PCNX2: variants seen among roughly 807,000 people sequenced by gnomAD.
PCNX2 encodes the protein pecanex 2, also known as pecanex-like protein 2.
PCNX2 carries 168 observed loss-of-function variants against 223.8 expected under a neutral mutation model. That is an observed-to-expected ratio of 0.75 (90% CI 0.66 to 0.85). PCNX2 has a LOEUF of 0.85. Among genes scored for constraint, PCNX2 ranks in the 40% least tolerant of loss-of-function variants. PCNX2 has a pLI of 0.00. For missense variants in PCNX2, 2,507 were observed against 2,675.5 expected, an observed-to-expected ratio of 0.94 and a Z score of 1.39; for synonymous variants, 1,006 against 1,052.6, an observed-to-expected ratio of 0.96 and a Z score of 0.86.
At chr1:233,289,163 G>A (rs1043586872) in intron 1 of PCNX2, 8 of 838,022 alleles carry the variant, frequency 9.5e-6, no homozygotes, top group African/African-American at 3.3e-5. Flanking sequence ...TCCTTTAAGC[G>A]ATAAAGACAA....
intron 8 of PCNX2, among the ~76,000 whole-genome samples, chr1:233,243,708 A>G (rs1319944176): frequency 6.6e-6 from 1 of 152,242 alleles, no homozygotes; most frequent in African/African-American, 2.4e-5. Flanking sequence ...ATATCAAGTC[A>G]CAGTGCAGTT....
At chr1:233,222,755 A>G (rs140992325) in intron 10 of PCNX2, among the ~76,000 whole-genome samples, 163 of 152,294 alleles carry the variant, frequency 1.1e-3, no homozygotes, top group Non-Finnish European at 2.1e-3. Flanking sequence ...CGACTCCAAG[A>G]TATTTAAGCA....
chr1:233,139,753 T>A lies in PCNX2; in HGVS notation c.3620A>T (p.Asp1207Val). ...PALILNALTI[D>V]AFLISNHRRL... ...CCGGTGATTGCTTATTAAAAATGCA[T>A]CAATAGTGAGGGCATTCAAAATTAG... The change falls in exon 20 of 34, where the codon GAT (aspartate) becomes GTT (valine). Residue 1207 changes from aspartate to valine, a missense_variant. Physicochemically the swap from Asp to Val is radical, Grantham distance 152. This residue lies in a region of PCNX2 where 1,372 missense variants were observed against 1,509.4 expected (regional missense o/e 0.91). Transcript: ENST00000258229. The surrounding 1 kb of genome is among the most constrained non-coding windows in gnomAD (Gnocchi z 4.4). 1 of 1,609,980 alleles carries A rather than the reference T, an allele frequency of 6.2e-7. No individual in the cohort carries two copies. Among genetic ancestry groups the A allele is most frequent in the Non-Finnish European group, 8.5e-7 (1 of 1,177,892 alleles).
intron 22 of PCNX2, among the ~76,000 whole-genome samples, chr1:233,092,975 A>AT (rs373637212): frequency 6.6e-6 from 1 of 151,988 alleles, no homozygotes; most frequent in South Asian, 2.1e-4. Flanking sequence ...ATTTTTTTGT[A>AT]TTTTTAGTAG....
intron 25 of PCNX2, 63 bp from the exon 26 acceptor site, chr1:233,025,462 G>A (rs1458157768): frequency 5.1e-6 from 8 of 1,581,096 alleles, no homozygotes; most frequent in South Asian, 3.4e-5. Flanking sequence ...TTGCTTCAAC[G>A]GATTTCCCCA....
intron 26 of PCNX2, chr1:233,018,615 T>C: frequency 3.2e-6 from 1 of 313,372 alleles, no homozygotes; most frequent in South Asian, 1.2e-4. Context: ...ACAGAGGAAA[T>C]GAAAATCCAA....
chr1:233,247,551 G>T (rs184202793), intron 8 of PCNX2, among the ~76,000 whole-genome samples: 27 of 151,928 alleles, frequency 1.8e-4, no homozygotes, highest in Admixed American at 1.3e-3. Flanking sequence ...CTCAAACCCC[G>T]AGACTCAAGT....
intron 19 of PCNX2, among the ~76,000 whole-genome samples, chr1:233,151,910 C>T (rs1422447104): frequency 6.6e-6 from 1 of 152,144 alleles, no homozygotes; most frequent in Non-Finnish European, 1.5e-5. Context: ...AATGCTAGCC[C>T]AGTTTTGCCT....
At chr1:233,025,695 G>A (rs895965463) in intron 25 of PCNX2, 2 of 412,716 alleles carry the variant, frequency 4.8e-6, no homozygotes, top group Non-Finnish European at 8.8e-6. Context: ...TTCAGTGGGA[G>A]GCAGTAGTTG....
At position 233,253,551 on chromosome 1, in the gene PCNX2, G is replaced by T. The variant is rs1036660756; in HGVS notation, c.1835-763C>A. 2.0e-5 allele frequency among the ~76,000 whole-genome samples: 3 copies of T among 152,132 alleles called. No homozygotes were observed. Among genetic ancestry groups the T allele is most frequent in the African/African-American group, 7.2e-5 (3 of 41,436 alleles). Reference sequence around the variant, plus strand: ...TGTAGGTATAGGGGCACGCTATGTTGTTCAGGCTGGTCTTGAACTCCTGTC... The same window carrying T: ...TGTAGGTATAGGGGCACGCTATGTTTTTCAGGCTGGTCTTGAACTCCTGTC... On this transcript the variant is annotated intron_variant, in intron 5 of 33. Transcript: ENST00000258229. This position sits in a 1 kb window ranked among gnomAD's most constrained non-coding sequence, Gnocchi z 4.2.
chr1:233,203,016 A>G (rs904354723), intron 13 of PCNX2, among the ~76,000 whole-genome samples: 1 of 152,298 alleles, frequency 6.6e-6, no homozygotes, highest in East Asian at 1.9e-4. Flanking sequence ...CCCATCTTCT[A>G]TCTGCTGGAA....
chr1:233,030,064 T>C (rs541937440), intron 25 of PCNX2, among the ~76,000 whole-genome samples: 2 of 152,326 alleles, frequency 1.3e-5, no homozygotes, highest in African/African-American at 4.8e-5. Context: ...AGGACTTGAA[T>C]TACACATATG....
At chr1:233,242,211 G>T (rs1437667506) in intron 8 of PCNX2, among the ~76,000 whole-genome samples, 1 of 152,068 alleles carries the variant, frequency 6.6e-6, no homozygotes, top group Non-Finnish European at 1.5e-5. Flanking sequence ...AAAAATATCT[G>T]CTAGATCTTT....
At chr1:233,198,892 A>T in intron 15 of PCNX2, 47 bp downstream of exon 15, 1 of 1,461,778 alleles carries the variant, frequency 6.8e-7, no homozygotes, top group Non-Finnish European at 9.4e-7. Flanking sequence ...AAAATAAGTT[A>T]ATTTAATGAA....
chr1:233,080,800 T>A (rs958242093), intron 23 of PCNX2, among the ~76,000 whole-genome samples: 2 of 152,118 alleles, frequency 1.3e-5, no homozygotes, highest in African/African-American at 2.4e-5. Flanking sequence ...GACCCAAACA[T>A]TCAGTCCACT....
At chr1:233,266,256 C>T (rs1013488324) in intron 1 of PCNX2, among the ~76,000 whole-genome samples, 3 of 152,116 alleles carry the variant, frequency 2.0e-5, no homozygotes, top group Non-Finnish European at 4.4e-5. Context: ...GCCTGTAATC[C>T]GAGCTTCTCA....
At chr1:233,263,208 T>A in intron 1 of PCNX2, 45 bp from the exon 2 acceptor site, 1 of 1,452,498 alleles carries the variant, frequency 6.9e-7, no homozygotes, top group Non-Finnish European at 9.3e-7. Flanking sequence ...CTTTTAAGAT[T>A]TTCTTTCTGT....
At chr1:233,301,494 T>G in the PCNX2 span, among the ~76,000 whole-genome samples, 16 of 152,198 alleles carry the variant, frequency 1.1e-4, no homozygotes, top group African/African-American at 3.9e-4. Context: ...AACTTGACCA[T>G]GTATTATCCT....
chr1:233,123,202 G>A (rs1227912655), intron 21 of PCNX2, among the ~76,000 whole-genome samples: 1 of 152,132 alleles, frequency 6.6e-6, no homozygotes, highest in Non-Finnish European at 1.5e-5. Flanking sequence ...AAGTAACAGG[G>A]AAATAGGGTG....
Sources: gnomAD v4.1 joint callset for allele counts (sites outside exome capture counted in the v4.1 genomes callset) on GRCh38, gnomAD v4.1.1 for gene constraint, gnomAD v4.1.1 regional missense constraint, Gnocchi (gnomAD v3.1) non-coding constraint, MANE v1.5 for transcripts, NCBI Gene and HGNC (gene_info 2026-07-23, HGNC 2026-07-21) for gene names.